The following CCDC66 variants were observed in gnomAD, a reference collection of about 807,000 sequenced individuals.
The protein encoded by CCDC66 is coiled-coil domain containing 66.
A neutral mutation model predicts 128.3 loss-of-function variants in CCDC66; 133 were observed. The ratio of observed to expected loss-of-function variants is 1.04; its 90% CI spans 0.90 to 1.20. The LOEUF is 1.20. Ranked by LOEUF, CCDC66 falls within the 50% of genes most tolerant of loss-of-function variation. The pLI is 0.00. For synonymous variants in CCDC66, 387 were observed against 357.0 expected, an observed-to-expected ratio of 1.08 and a Z score of -0.95; for missense variants, 1,126 against 1,075.5, an observed-to-expected ratio of 1.05 and a Z score of -0.66.
At chr3:56,558,125 C>G (rs2064599248) in intron 1 of CCDC66, among the ~76,000 whole-genome samples, 1 of 152,182 alleles carries the variant, frequency 6.6e-6, no homozygotes, top group Non-Finnish European at 1.5e-5. Context: ...AGCAACACCG[C>G]AAATTTCGCA....
chr3:56,560,674 C>T (rs910373652), intron 3 of CCDC66, among the ~76,000 whole-genome samples: 14 of 152,106 alleles, frequency 9.2e-5, no homozygotes, highest in African/African-American at 3.1e-4. Flanking sequence ...GAGCCGAGAT[C>T]GCACCACTGC....
At position 56,582,595 on chromosome 3, in the gene CCDC66, G is replaced by C. The variant is rs780195865; in HGVS notation, c.937-10375G>C. ...TTATTGGTATATAGATTAGTATGTA[G>C]AAACACAACTTATTTTTGTGTGTTG... On this transcript the variant is annotated intron_variant, in intron 7 of 17. Coordinates refer to ENST00000394672, the MANE Select transcript of CCDC66 (RefSeq NM_001141947.3). Among the ~76,000 whole-genome samples, 18 of 151,614 alleles carry C rather than the reference G, an allele frequency of 1.2e-4. 1 individual carries two copies. Among genetic ancestry groups the C allele is most frequent in the Admixed American group, 2.0e-4 (3 of 15,050 alleles).
chr3:56,616,871 C>T (rs2075583598), intron 13 of CCDC66: 1 of 379,250 alleles, frequency 2.6e-6, no homozygotes, highest in African/African-American at 2.1e-5. Context: ...CCCCCAGTGA[C>T]TGATGATGTT....
chr3:56,577,056 A>G (rs561237335), intron 7 of CCDC66, among the ~76,000 whole-genome samples: 3 of 151,942 alleles, frequency 2.0e-5, no homozygotes, highest in African/African-American at 7.2e-5. Context: ...AAGTGTTCCT[A>G]TTTCTCCACA....
chr3:56,598,764 C>T (rs1336701801), intron 10 of CCDC66, among the ~76,000 whole-genome samples: 1 of 151,960 alleles, frequency 6.6e-6, no homozygotes, highest in African/African-American at 2.4e-5. Flanking sequence ...GGGATAAATC[C>T]CACTTAATTA....
chr3:56,613,467 CATT>C, intron 10 of CCDC66, 119 bp from the exon 11 acceptor site: 1 of 986,698 alleles, frequency 1.0e-6, no homozygotes, highest in Non-Finnish European at 1.5e-6. Flanking sequence ...ATTGTCTACT[CATT>C]ATTTTGGTTC....
rs1433715151 is a variant in CCDC66, at chr3:56,617,398, A to C, written c.2130A>C (p.Lys710Asn). 1 of 1,614,024 alleles carries C rather than the reference A, an allele frequency of 6.2e-7. No homozygotes were observed. Among genetic ancestry groups the C allele is most frequent in the South Asian group, 1.1e-5 (1 of 91,044 alleles). The change falls in exon 14 of 18, where the codon AAA becomes AAC. Residue 710 changes from lysine (K) to asparagine (N), a missense_variant. Transcript: ENST00000394672. ...RPDWNINKPP[K>N]RYIPASEKYP... is the part of the protein sequence containing the mutation. Reference sequence around the variant, plus strand: ...ATTGGAATATAAATAAGCCACCTAAAAGGTATATTCCAGCATCAGAAAAGT... The same window carrying C: ...ATTGGAATATAAATAAGCCACCTAACAGGTATATTCCAGCATCAGAAAAGT...
At chr3:56,591,397 G>A (rs1195437231) in intron 7 of CCDC66, among the ~76,000 whole-genome samples, 1 of 152,032 alleles carries the variant, frequency 6.6e-6, no homozygotes, top group African/African-American at 2.4e-5. Flanking sequence ...CAAATATACA[G>A]CATCCACTCT....
At chr3:56,586,227 T>C (rs1369019627) in intron 7 of CCDC66, among the ~76,000 whole-genome samples, 1 of 151,946 alleles carries the variant, frequency 6.6e-6, no homozygotes, top group East Asian at 2.0e-4. Context: ...AGTTAAAGAA[T>C]GTACAAAACT....
chr3:56,561,559 C>T (rs1156962175), intron 3 of CCDC66, among the ~76,000 whole-genome samples: 2 of 152,104 alleles, frequency 1.3e-5, no homozygotes, highest in Non-Finnish European at 2.9e-5. Context: ...GGTTTATCCC[C>T]ATTGCATTTG....
chr3:56,603,070 C>T (rs1261185462), intron 10 of CCDC66, among the ~76,000 whole-genome samples: 2 of 151,866 alleles, frequency 1.3e-5, no homozygotes, highest in African/African-American at 4.8e-5. Context: ...CTCCCAACCT[C>T]GTGATCCACC....
chr3:56,600,610 G>C (rs1415737760), intron 10 of CCDC66, among the ~76,000 whole-genome samples: 1 of 151,966 alleles, frequency 6.6e-6, no homozygotes, highest in Non-Finnish European at 1.5e-5. Context: ...GTGTAAAAGC[G>C]TTCCTATTTC....
At chr3:56,561,125 T>G in intron 3 of CCDC66, 1 of 438,798 alleles carries the variant, frequency 2.3e-6, no homozygotes, top group South Asian at 1.6e-5. Context: ...GATTGTATGT[T>G]ATTCCTACCC....
chr3:56,588,672 A>C (rs947295756), intron 7 of CCDC66, among the ~76,000 whole-genome samples: 1 of 152,194 alleles, frequency 6.6e-6, no homozygotes, highest in African/African-American at 2.4e-5. Context: ...TTACAATTCA[A>C]CATGAGTTTT....
At chr3:56,585,130 A>G (rs1336051459) in intron 7 of CCDC66, among the ~76,000 whole-genome samples, 2 of 59,116 alleles carry the variant, frequency 3.4e-5, no homozygotes, top group African/African-American at 7.2e-5. Flanking sequence ...GGAGAGGGAG[A>G]GGGAGGGAGA....
intron 10 of CCDC66, among the ~76,000 whole-genome samples, chr3:56,609,517 A>G (rs2074506754): frequency 6.6e-6 from 1 of 152,216 alleles, no homozygotes; most frequent in African/African-American, 2.4e-5. Flanking sequence ...GTAAGTTCTT[A>G]TCCATTCTGC....
chr3:56,620,666 T>TAAG (rs1160672609), intron 17 of CCDC66: 1 of 152,258 alleles, frequency 6.6e-6, no homozygotes, highest in Non-Finnish European at 1.5e-5. Flanking sequence ...ACAGGGTTAC[T>TAAG]AAGAGTTTTA....
intron 7 of CCDC66, chr3:56,572,221 C>A: frequency 2.1e-6 from 1 of 479,584 alleles, no homozygotes; most frequent in Non-Finnish European, 3.8e-6. Context: ...CAAATATACA[C>A]ATATGCCAAG....
chr3:56,567,976 C>T (rs911241071), intron 6 of CCDC66, among the ~76,000 whole-genome samples: 1 of 152,124 alleles, frequency 6.6e-6, no homozygotes, highest in Non-Finnish European at 1.5e-5. Context: ...AGGCGTGAGC[C>T]ACCACGCCCG....
Sources: allele counts gnomAD v4.1 joint callset (sites outside exome capture counted in the v4.1 genomes callset), GRCh38; gene constraint gnomAD v4.1.1; transcripts MANE v1.5; gene names NCBI Gene and HGNC (gene_info 2026-07-23, HGNC 2026-07-21).